The following BTAF1 variants were observed in gnomAD, a reference collection of about 807,000 sequenced individuals.
BTAF1 encodes B-TFIID TATA-box binding protein associated factor 1, also known as TATA-binding protein-associated factor 172.
In BTAF1, 38 loss-of-function variants were observed where a neutral mutation model predicts 227.1. The ratio of observed to expected loss-of-function variants is 0.17; its 90% confidence interval spans 0.13 to 0.22. The LOEUF is 0.22. Among genes scored for constraint, BTAF1 ranks in the 10% least tolerant of loss-of-function variants. BTAF1 has a pLI of 1.00. For missense variants in BTAF1, 1,598 were observed against 2,204.0 expected, an observed-to-expected ratio of 0.73 and a Z score of 5.51; for synonymous variants, 742 against 751.9, an observed-to-expected ratio of 0.99 and a Z score of 0.21.
At chr10:91,990,990 T>C (rs1277947700) in intron 20 of BTAF1, among the ~76,000 whole-genome samples, 1 of 151,804 alleles carries the variant, frequency 6.6e-6, no homozygotes, top group Admixed American at 6.6e-5. Flanking sequence ...CTCACGCCTG[T>C]AATCCCAGCA....
chr10:92,006,553 A>G lies in BTAF1; in HGVS notation c.3661-1570A>G, dbSNP rs116978915. Among the ~76,000 whole-genome samples the G allele has an allele frequency of 3.4e-3, 519 of 152,320 alleles. 1 individual carries two copies. Among genetic ancestry groups the G allele is most frequent in the Middle Eastern group, 0.014 (4 of 294 alleles). Reference sequence around the variant, plus strand: ...TCATTTGGAAAATATTGGTTCATTGAGTTACGTAAATCTTCCACAGGTGGA... The same window carrying G: ...TCATTTGGAAAATATTGGTTCATTGGGTTACGTAAATCTTCCACAGGTGGA... On this transcript the variant is annotated intron_variant, in intron 25 of 37. Transcript: ENST00000265990.
rs146898371 is a variant in BTAF1 at position 91,962,555 on chromosome 10, A to G, written c.1281A>G (p.Leu427=). ...TTTTACAGGATGTAATTAATACTTT[A>G]TTGCCTAAAGTTTTAACTAGAATAA... ...LAVRQDVINT[L]LPKVLTRIIE... Residue 427 remains leucine, a synonymous_variant, in exon 12 of 38, where the codon TTA becomes TTG. Coordinates refer to ENST00000265990, the MANE Select transcript of BTAF1 (RefSeq NM_003972.3). 56 of 1,561,516 alleles carry G rather than the reference A, an allele frequency of 3.6e-5. No individual in the cohort carries two copies. The highest frequency in any genetic ancestry group is 3.1e-5 in the Non-Finnish European group (35 of 1,138,408).
At chr10:92,006,265 T>C (rs1440279816) in intron 25 of BTAF1, among the ~76,000 whole-genome samples, 1 of 152,210 alleles carries the variant, frequency 6.6e-6, no homozygotes, top group African/African-American at 2.4e-5. Flanking sequence ...AAGGGAGCAA[T>C]ATTTTGACAG....
Position 92,029,004 on chromosome 10 carries a change from G to C in BTAF1, c.*71G>C. The stretch of plus-strand genomic sequence containing the variant: ...CTGCTGATATTCAGCAAATTTCTAA[G>C]TTTATGGTGAACTTTTAACTCAATG... On this transcript the variant is annotated 3_prime_UTR_variant, in exon 38 of 38. Transcript: ENST00000265990. 4 of 1,414,404 alleles carry C rather than the reference G, an allele frequency of 2.8e-6. No individual in the cohort carries two copies. In the South Asian group the frequency reaches 5.7e-5, roughly 20 times the overall value. 87.6% of individuals were successfully genotyped at this position (1,414,404 alleles called of 1,614,324 possible).
intron 25 of BTAF1, among the ~76,000 whole-genome samples, chr10:91,998,204 A>T (rs189827544): frequency 6.6e-6 from 1 of 152,130 alleles, no homozygotes; most frequent in East Asian, 1.9e-4. Context: ...AGAAGGCATT[A>T]TTTCAAAAAT....
At chr10:91,985,295 T>TTTTA (rs138271218) in intron 19 of BTAF1, among the ~76,000 whole-genome samples, 38 of 149,208 alleles carry the variant, frequency 2.5e-4, no homozygotes, top group Middle Eastern at 3.4e-3. Flanking sequence ...CTAATCTGTG[T>TTTTA]TATATATATA....
In BTAF1 at chr10:91,923,786, G is replaced by T. The variant is rs1216961635; in HGVS notation, c.-291G>T. On this transcript the variant is annotated 5_prime_UTR_variant, in exon 1 of 38. Coordinates refer to ENST00000265990, the MANE Select transcript of BTAF1 (RefSeq NM_003972.3). ...CTGACGCTCAGTTGTGCGTGCCGACGCCCGCGTCAGCAAAGAGCGGAGCTG... is the reference window on the plus strand; with the variant it reads ...CTGACGCTCAGTTGTGCGTGCCGACTCCCGCGTCAGCAAAGAGCGGAGCTG... 2.6e-6 allele frequency: 1 copy of T among 391,094 alleles called. No homozygotes were observed. The highest frequency in any genetic ancestry group is 4.6e-6 in the Non-Finnish European group (1 of 219,204). 24.2% of individuals were successfully genotyped at this position (391,094 alleles called of 1,614,324 possible).
intron 15 of BTAF1, among the ~76,000 whole-genome samples, chr10:91,981,023 G>A (rs943563520): frequency 1.3e-5 from 2 of 151,994 alleles, no homozygotes; most frequent in Non-Finnish European, 2.9e-5. Flanking sequence ...AGCATTTATG[G>A]GGGGAAATGG....
At chr10:91,939,011 A>C (rs1332092103) in intron 2 of BTAF1, among the ~76,000 whole-genome samples, 1 of 148,780 alleles carries the variant, frequency 6.7e-6, no homozygotes, top group Non-Finnish European at 1.5e-5. Flanking sequence ...TTTTGATAGG[A>C]ATTGTGTTGA....
chr10:92,021,745 C>T (rs1324267658), intron 34 of BTAF1, among the ~76,000 whole-genome samples: 2 of 151,908 alleles, frequency 1.3e-5, no homozygotes, highest in African/African-American at 4.8e-5. Flanking sequence ...AGGGTTTCAC[C>T]GTGTTAGCCA....
intron 17 of BTAF1, 160 bp downstream of exon 17, chr10:91,982,385 A>C (rs1848127833): frequency 9.4e-7 from 1 of 1,058,404 alleles, no homozygotes; most frequent in African/African-American, 1.6e-5. Context: ...AAATACTTCT[A>C]ATTATTTTAA....
At chr10:91,978,604 A>T (rs972872221) in intron 14 of BTAF1, among the ~76,000 whole-genome samples, 2 of 152,204 alleles carry the variant, frequency 1.3e-5, no homozygotes, top group East Asian at 1.9e-4. Context: ...CTGCAATTTC[A>T]GTTAAAATTT....
rs569786053 is a variant in BTAF1 at position 91,966,551 on chromosome 10, A to G, written c.1530-86A>G. 6.4e-6 allele frequency: 9 copies of G among 1,413,890 alleles called. No homozygotes were observed. The African/African-American group carries it at 1.3e-4, about 20-fold the overall frequency. 87.6% of individuals were successfully genotyped at this position (1,413,890 alleles called of 1,614,324 possible). A position where few individuals can be genotyped will look rare whatever the true frequency, so the allele number is the denominator to read the frequency against. On this transcript the variant is annotated intron_variant, in intron 13 of 37. Coordinates refer to ENST00000265990, the MANE Select transcript of BTAF1 (RefSeq NM_003972.3). ...AAAAAAGTCACATGGTGTCAGCATC[A>G]CTAGATCCCATGAGAATATTTAGAT...
chr10:91,940,771 G>A (rs1374823880), intron 3 of BTAF1, among the ~76,000 whole-genome samples: 5 of 151,970 alleles, frequency 3.3e-5, no homozygotes, highest in South Asian at 4.2e-4. Flanking sequence ...TGCAGCTTCC[G>A]CCTCCTGGGT....
At chr10:91,987,223 C>T (rs1215510657) in intron 19 of BTAF1, among the ~76,000 whole-genome samples, 4 of 151,742 alleles carry the variant, frequency 2.6e-5, no homozygotes, top group Non-Finnish European at 4.4e-5. Context: ...GTGGCTCACG[C>T]CTGTAATCCC....
chr10:91,981,033 G>A (rs1206596716), intron 15 of BTAF1, among the ~76,000 whole-genome samples: 1 of 152,060 alleles, frequency 6.6e-6, no homozygotes, highest in African/African-American at 2.4e-5. Context: ...GGGGGAAATG[G>A]CACTTTTGTA....
At chr10:91,971,017 T>C (rs1847257465) in intron 14 of BTAF1, among the ~76,000 whole-genome samples, 1 of 152,226 alleles carries the variant, frequency 6.6e-6, no homozygotes, top group African/African-American at 2.4e-5. Flanking sequence ...GCTTTTCTAG[T>C]CTGTTCCCTT....
At chr10:92,019,467 C>G (rs980067169) in intron 34 of BTAF1, among the ~76,000 whole-genome samples, 1 of 152,192 alleles carries the variant, frequency 6.6e-6, no homozygotes, top group Non-Finnish European at 1.5e-5. Context: ...CTGCAGTGAA[C>G]ATTGGCTTAC....
rs1432352081 is a variant in BTAF1, at chr10:91,953,742, T to G, written c.570T>G (p.Leu190=). Residue 190 remains leucine (L), a synonymous_variant, in exon 6 of 38, where the codon CTT becomes CTG. Transcript: ENST00000265990. ...GCATTCTTTTATTCTTTTAGACTCTTCAGGCAGCTGAATTGATTGACTCAG... is the reference window on the plus strand; with the variant it reads ...GCATTCTTTTATTCTTTTAGACTCTGCAGGCAGCTGAATTGATTGACTCAG... The part of the protein sequence containing the change: ...SASFVNKQPT[L]QAAELIDSEF... 1 of 1,613,760 alleles carries G rather than the reference T, an allele frequency of 6.2e-7. No homozygotes were observed. Among genetic ancestry groups the G allele is most frequent in the African/African-American group, 1.3e-5 (1 of 75,030 alleles).
Sources: allele counts gnomAD v4.1 joint callset (sites outside exome capture counted in the v4.1 genomes callset), GRCh38; gene constraint gnomAD v4.1.1; transcripts MANE v1.5; gene names NCBI Gene and HGNC (gene_info 2026-07-23, HGNC 2026-07-21).